Variants in EXOSC4 observed in about 807,000 individuals in gnomAD.
EXOSC4 encodes exosome complex component RRP41.
Under a neutral mutation model 20.0 loss-of-function variants are expected in EXOSC4, and 14 were observed. The ratio of observed to expected loss-of-function variants is 0.70; its 90% confidence interval spans 0.46 to 1.09. The LOEUF (loss-of-function observed/expected upper bound fraction) is 1.09, where lower values mean the gene tolerates loss of function less well. EXOSC4 is among the 50% of genes least tolerant of loss of function. The probability of loss-of-function intolerance (pLI) is 0.00; values close to 1 mark genes in which losing one functional copy is unlikely to be tolerated. For missense variants in EXOSC4, 337 were observed against 334.0 expected (o/e 1.01, Z -0.07); for synonymous variants, 148 against 146.4 (o/e 1.01, Z -0.08).
At chr8:144,065,332 C>T in the EXOSC4 span, among the ~76,000 whole-genome samples, 1 of 152,166 alleles carries the variant, frequency 6.6e-6, no homozygotes, top group Non-Finnish European at 1.5e-5. Flanking sequence ...TCGAGTGGAG[C>T]CATCGCAGGG....
Position 144,078,824 on chromosome 8 carries a change from C to A in EXOSC4, c.96C>A (p.Phe32Leu). The A allele has an allele frequency of 6.3e-7, 1 of 1,581,384 alleles. No homozygotes were observed. The highest frequency in any genetic ancestry group is 1.1e-5 in the South Asian group (1 of 87,186). The change falls in exon 1 of 3, where the codon TTC (phenylalanine) becomes TTA (leucine). Residue 32 changes from phenylalanine to leucine, a missense_variant. By Grantham distance (22) the Phe-to-Leu change is conservative. Coordinates refer to ENST00000316052, the MANE Select transcript of EXOSC4 (RefSeq NM_019037.3). The surrounding 1 kb of genome is among the most constrained non-coding windows in gnomAD (Gnocchi z 4.7). ...LRKIQARMGV[F>L]AQADGSAYIE... is the part of the protein sequence containing the mutation. ...AGATCCAGGCGCGGATGGGCGTGTT[C>A]GCGCAGGCTGACGGCTCGGCCTACA... is the stretch of plus-strand genomic sequence containing the variant.
the EXOSC4 span, among the ~76,000 whole-genome samples, chr8:144,068,879 G>T: frequency 6.6e-6 from 1 of 152,202 alleles, no homozygotes; most frequent in African/African-American, 2.4e-5. Context: ...CAGCACAGGG[G>T]TCTCACTCCG....
At position 144,080,021 on chromosome 8, in the gene EXOSC4, G is replaced by A. The variant is rs1835880634; in HGVS notation, c.250G>A (p.Gly84Ser). 1 of 1,614,122 alleles carries A rather than the reference G, an allele frequency of 6.2e-7. No individual in the cohort carries two copies. The highest frequency in any genetic ancestry group is 8.5e-7 in the Non-Finnish European group (1 of 1,180,028). ...ATATAGTTCAGCGACCTTCAGCACA[G>A]GTGAGCGCAAGCGACGGCCACATGG... ...CQYSSATFSTGERKRRPHGDR... is the reference protein window; with the variant it reads ...CQYSSATFSTSERKRRPHGDR... The change falls in exon 2 of 3, where the codon GGT becomes AGT. Residue 84 changes from glycine (G) to serine (S), a missense_variant. Transcript: ENST00000316052. The surrounding 1 kb of genome is among the most constrained non-coding windows in gnomAD (Gnocchi z 4.9).
chr8:144,066,018 A>ATGTTT, the EXOSC4 span, among the ~76,000 whole-genome samples: 8 of 135,680 alleles, frequency 5.9e-5, no homozygotes, highest in African/African-American at 8.5e-5. Flanking sequence ...GGGTCTCGCT[A>ATGTTT]TGTTTTGTTT....
At chr8:144,078,592 A>G (rs979958619), upstream of EXOSC4, 5 of 957,746 alleles carry the variant, frequency 5.2e-6, no homozygotes, top group Non-Finnish European at 5.7e-6. The surrounding 1 kb of genome is among the most constrained non-coding windows in gnomAD (Gnocchi z 4.7). Context: ...GGCCGCGGAG[A>G]GCTGTAGTTC....
At chr8:144,071,428 G>C in the EXOSC4 span, among the ~76,000 whole-genome samples, 1 of 149,630 alleles carries the variant, frequency 6.7e-6, no homozygotes, top group African/African-American at 2.5e-5. Flanking sequence ...TGGGATTATA[G>C]GCATGCGCCT....
the EXOSC4 span, among the ~76,000 whole-genome samples, chr8:144,067,814 CCTGA>C: frequency 6.6e-6 from 1 of 152,172 alleles, no homozygotes; most frequent in Non-Finnish European, 1.5e-5. Flanking sequence ...TCGAGACCAG[CCTGA>C]CTAACATGGT....
the EXOSC4 span, among the ~76,000 whole-genome samples, chr8:144,065,324 G>C: frequency 6.6e-6 from 1 of 152,058 alleles, no homozygotes; most frequent in South Asian, 2.1e-4. Context: ...CTGGCTACTC[G>C]AGTGGAGCCA....
At chr8:144,074,445 T>C (rs1259683948), upstream of EXOSC4, among the ~76,000 whole-genome samples, 1 of 152,206 alleles carries the variant, frequency 6.6e-6, no homozygotes, top group Non-Finnish European at 1.5e-5. Flanking sequence ...CTCCCTCGGC[T>C]GCATGTCATG....
At chr8:144,070,437 C>G in the EXOSC4 span, among the ~76,000 whole-genome samples, 1 of 150,338 alleles carries the variant, frequency 6.7e-6, no homozygotes, top group Non-Finnish European at 1.5e-5. Flanking sequence ...GGCGGGAGAA[C>G]CGCTTGAACC....
the EXOSC4 span, among the ~76,000 whole-genome samples, chr8:144,064,893 G>A: frequency 6.7e-6 from 1 of 148,896 alleles, no homozygotes; most frequent in African/African-American, 2.5e-5. Flanking sequence ...CCAGGCTGGA[G>A]TGCAGTGGCG....
At chr8:144,075,193 GC>G (rs1182943904), upstream of EXOSC4, among the ~76,000 whole-genome samples, 4 of 151,608 alleles carry the variant, frequency 2.6e-5, no homozygotes, top group African/African-American at 9.7e-5. Flanking sequence ...CTCCCAAGTA[GC>G]TGGGACCACA....
chr8:144,074,962 C>T (rs1200196937), upstream of EXOSC4, among the ~76,000 whole-genome samples: 2 of 152,154 alleles, frequency 1.3e-5, no homozygotes, highest in Admixed American at 6.5e-5. Context: ...GTACATATTA[C>T]CCAAAGGAGC....
upstream of EXOSC4, chr8:144,078,635 A>G (rs1835861185): frequency 1.5e-6 from 2 of 1,303,498 alleles, no homozygotes; most frequent in Non-Finnish European, 2.0e-6. The surrounding 1 kb of genome is among the most constrained non-coding windows in gnomAD (Gnocchi z 4.7). Flanking sequence ...GACCTCCGGA[A>G]ACCGTAGATT....
At chr8:144,064,074 T>G in the EXOSC4 span, 1 of 152,322 alleles carries the variant, frequency 6.6e-6, no homozygotes, top group Non-Finnish European at 1.5e-5. Flanking sequence ...GACCCAGCTG[T>G]TCCAACCACC....
At position 144,080,416 on chromosome 8, in the gene EXOSC4, C is replaced by G; in HGVS notation, c.553C>G (p.Leu185Val). The change falls in exon 3 of 3, where the codon CTG (leucine) becomes GTG (valine). Residue 185 changes from leucine to valine, a missense_variant. Transcript: ENST00000316052. The surrounding 1 kb of genome is among the most constrained non-coding windows in gnomAD (Gnocchi z 4.9). ...HVEEAAGGPQ[L>V]ALALLPASGQ... ...GGAGGAAGCAGCTGGTGGCCCCCAG[C>G]TGGCCCTGGCCCTGCTGCCAGCCTC... 6.2e-7 allele frequency: 1 copy of G among 1,610,680 alleles called. No homozygotes were observed. The highest frequency in any genetic ancestry group is 8.5e-7 in the Non-Finnish European group (1 of 1,179,980).
upstream of EXOSC4, chr8:144,078,449 T>G: frequency 9.7e-6 from 3 of 309,616 alleles, no homozygotes; most frequent in Non-Finnish European, 1.8e-5. The surrounding 1 kb of genome is among the most constrained non-coding windows in gnomAD (Gnocchi z 4.7). Flanking sequence ...CCGCCGCAGT[T>G]CCCCGGAGAC....
Position 144,080,159 on chromosome 8 carries a change from C to G in EXOSC4, c.378+10C>G. 1 of 1,608,356 alleles carries G rather than the reference C, an allele frequency of 6.2e-7. No homozygotes were observed. Among genetic ancestry groups the G allele is most frequent in the South Asian group, 1.1e-5 (1 of 90,794 alleles). ...TGATATCTATGTGCAGGTGAGCCAGCTGCAGCCGTCAATCCAGGGAGGGAA... is the reference window on the plus strand; with the variant it reads ...TGATATCTATGTGCAGGTGAGCCAGGTGCAGCCGTCAATCCAGGGAGGGAA... On this transcript the variant is annotated intron_variant, in intron 2 of 2. Transcript: ENST00000316052. The surrounding 1 kb of genome is among the most constrained non-coding windows in gnomAD (Gnocchi z 4.9).
At chr8:144,068,545 C>T in the EXOSC4 span, among the ~76,000 whole-genome samples, 1 of 152,056 alleles carries the variant, frequency 6.6e-6, no homozygotes, top group Non-Finnish European at 1.5e-5. Flanking sequence ...TTCTCCGGGC[C>T]TCCACCTGAG....
Sources: allele counts gnomAD v4.1 joint callset (sites outside exome capture counted in the v4.1 genomes callset), GRCh38; gene constraint gnomAD v4.1.1; non-coding constraint Gnocchi (gnomAD v3.1); transcripts MANE v1.5; gene names NCBI Gene and HGNC (gene_info 2026-07-23, HGNC 2026-07-21).